Variants in CCPG1 observed in about 807,000 individuals in gnomAD.
CCPG1 encodes cell cycle progression protein 1.
A neutral mutation model predicts 81.3 loss-of-function variants in CCPG1; 46 were observed. The observed-to-expected ratio is 0.57, with a 90% CI of 0.45 to 0.72. CCPG1 has a LOEUF of 0.72. Ranked by LOEUF, CCPG1 falls within the 30% of genes least tolerant of loss-of-function variation. The pLI is 0.00. For missense variants in CCPG1, 902 were observed against 937.6 expected (o/e 0.96, Z 0.50); for synonymous variants, 330 against 305.2 (o/e 1.08, Z -0.85).
chr15:55,377,558 G>A (rs1200316953), intron 4 of CCPG1, among the ~76,000 whole-genome samples: 1 of 152,148 alleles, frequency 6.6e-6, no homozygotes, highest in Non-Finnish European at 1.5e-5. Context: ...GCTGTATCTT[G>A]TACTGAATGT....
chr15:55,386,900 A>G (rs1017687158), intron 2 of CCPG1, among the ~76,000 whole-genome samples: 1 of 151,834 alleles, frequency 6.6e-6, no homozygotes, highest in African/African-American at 2.4e-5. Context: ...CCATCTCAAA[A>G]AAAAAAAAGT....
intron 2 of CCPG1, among the ~76,000 whole-genome samples, chr15:55,387,873 C>T (rs990654919): frequency 7.1e-6 from 1 of 140,198 alleles, no homozygotes; most frequent in Non-Finnish European, 1.6e-5. Context: ...AACAAGTGGC[C>T]GGGCACGGTG....
At chr15:55,393,473 C>T (rs906425259) in intron 1 of CCPG1, among the ~76,000 whole-genome samples, 6 of 152,040 alleles carry the variant, frequency 3.9e-5, no homozygotes, top group Non-Finnish European at 7.4e-5. Flanking sequence ...AGGGAAGCAA[C>T]TCAACAACCC....
chr15:55,383,270 G>A (rs939351131), intron 3 of CCPG1, among the ~76,000 whole-genome samples: 3 of 152,140 alleles, frequency 2.0e-5, no homozygotes, highest in Non-Finnish European at 2.9e-5. Context: ...TTTTTGTTCT[G>A]AGCAGCAGGT....
At chr15:55,381,285 TAAA>T (rs71105874) in intron 3 of CCPG1, among the ~76,000 whole-genome samples, 1 of 147,918 alleles carries the variant, frequency 6.8e-6, no homozygotes, top group African/African-American at 2.5e-5. Flanking sequence ...AAATAAAAAA[TAAA>T]AAAAAAATAG....
chr15:55,387,652 G>A (rs2056827395), intron 2 of CCPG1, among the ~76,000 whole-genome samples: 1 of 151,418 alleles, frequency 6.6e-6, no homozygotes, highest in Admixed American at 6.6e-5. Context: ...TCAAGCGATT[G>A]TCCTGCCTCA....
intron 3 of CCPG1, among the ~76,000 whole-genome samples, chr15:55,383,141 G>A (rs955050727): frequency 6.6e-6 from 1 of 152,198 alleles, no homozygotes; most frequent in Non-Finnish European, 1.5e-5. Context: ...ATGGACTACA[G>A]ACTGGATGTT....
chr15:55,385,622 T>C lies in CCPG1; in HGVS notation c.153A>G (p.Gln51=). 1 of 1,603,238 alleles carries C rather than the reference T, an allele frequency of 6.2e-7. No homozygotes were observed. The highest frequency in any genetic ancestry group is 1.1e-5 in the South Asian group (1 of 89,806). Residue 51 remains glutamine, a synonymous_variant, in exon 3 of 9, where the codon CAA becomes CAG. Transcript: ENST00000442196. ...TACCTCCTTGCTCTATCTGCAATGCTTGAAGCTCCTCTTGCTCTAAAGATG... is the reference window on the plus strand; with the variant it reads ...TACCTCCTTGCTCTATCTGCAATGCCTGAAGCTCCTCTTGCTCTAAAGATG... ...ECSSLEQEEL[Q]ALQIEQGESS...
At chr15:55,381,268 C>T (rs1013470765) in intron 3 of CCPG1, among the ~76,000 whole-genome samples, 1 of 142,618 alleles carries the variant, frequency 7.0e-6, no homozygotes, top group Admixed American at 7.6e-5. Context: ...ACCCCCGTCT[C>T]TACTAAAAAT....
chr15:55,379,280 T>C (rs544726569), intron 3 of CCPG1, among the ~76,000 whole-genome samples: 4 of 151,710 alleles, frequency 2.6e-5, no homozygotes, highest in South Asian at 4.2e-4. Flanking sequence ...CTAGCACTTT[T>C]GGGAGGCCAA....
At chr15:55,386,193 CAAAAA>C (rs34646724) in intron 2 of CCPG1, among the ~76,000 whole-genome samples, 1 of 103,862 alleles carries the variant, frequency 9.6e-6, no homozygotes. Flanking sequence ...AATTCCGTCT[CAAAAA>C]AAAAAAAAAA....
intron 8 of CCPG1, chr15:55,359,336 T>C: frequency 7.8e-7 from 1 of 1,280,046 alleles, no homozygotes; most frequent in Non-Finnish European, 9.9e-7. Context: ...GTCAAAGTGA[T>C]CACGTTATAA....
At chr15:55,393,903 A>G (rs755216982) in intron 1 of CCPG1, among the ~76,000 whole-genome samples, 1 of 152,200 alleles carries the variant, frequency 6.6e-6, no homozygotes, top group Non-Finnish European at 1.5e-5. Context: ...CACAAATTCT[A>G]TAACGGTGCC....
chr15:55,373,828 T>C (rs908602863), intron 5 of CCPG1, among the ~76,000 whole-genome samples: 1 of 152,232 alleles, frequency 6.6e-6, no homozygotes, highest in Admixed American at 6.5e-5. Flanking sequence ...TACATTAACA[T>C]TACCTTCATT....
chr15:55,359,961 T>C lies in CCPG1; in HGVS notation c.1812A>G (p.Arg604=), dbSNP rs971122649. The change falls in exon 8 of 9, where the codon AGA becomes AGG. Residue 604 remains arginine (R), a synonymous_variant. Transcript: ENST00000442196. The part of the protein sequence containing the change: ...KEKPVHFKEF[R]KNTNSKKCSP... ...TGCATTTCTTTGAATTTGTATTTTT[T>C]CTGAATTCTTTAAAGTGAACTGGCT... The C allele has an allele frequency of 1.2e-6, 2 of 1,613,184 alleles. No individual in the cohort carries two copies. The highest frequency in any genetic ancestry group is 1.7e-4 in the Middle Eastern group (1 of 6,060).
At chr15:55,384,647 C>T (rs184545213) in intron 3 of CCPG1, among the ~76,000 whole-genome samples, 77 of 152,114 alleles carry the variant, frequency 5.1e-4, no homozygotes, top group African/African-American at 1.8e-3. Context: ...AAGAGCGAAA[C>T]TCCGCCAATT....
chr15:55,405,046 A>G (rs1453443155), intron 1 of CCPG1, among the ~76,000 whole-genome samples: 11 of 151,996 alleles, frequency 7.2e-5, no homozygotes, highest in Non-Finnish European at 1.6e-4. Flanking sequence ...CTAACATGGC[A>G]AAACCCAGTC....
intron 1 of CCPG1, among the ~76,000 whole-genome samples, chr15:55,391,375 C>T (rs2141320135): frequency 6.6e-6 from 1 of 152,350 alleles, no homozygotes; most frequent in South Asian, 2.1e-4. Context: ...CTCAGCTTCC[C>T]AAAGCGCTGG....
At chr15:55,405,958 G>T (rs995021311) in intron 1 of CCPG1, among the ~76,000 whole-genome samples, 1 of 152,136 alleles carries the variant, frequency 6.6e-6, no homozygotes, top group Admixed American at 6.5e-5. Context: ...TCTGCCTCCC[G>T]GGTTCAAGCG....
Sources: gnomAD v4.1 joint callset for allele counts (sites outside exome capture counted in the v4.1 genomes callset) on GRCh38, gnomAD v4.1.1 for gene constraint, MANE v1.5 for transcripts, NCBI Gene and HGNC (gene_info 2026-07-23, HGNC 2026-07-21) for gene names.